The following DPF3 variants were observed in gnomAD, a reference collection of about 807,000 sequenced individuals.
DPF3 encodes double PHD fingers 3.
Under a neutral mutation model 56.8 loss-of-function variants are expected in DPF3, and 18 were observed. That is an observed-to-expected ratio of 0.32 (90% CI 0.22 to 0.47). DPF3 has a LOEUF of 0.47. DPF3 is among the 20% of genes least tolerant of loss of function. The pLI, the probability that DPF3 is intolerant of heterozygous loss-of-function variation, is 1.00. For synonymous variants in DPF3, 188 were observed against 180.2 expected, an observed-to-expected ratio of 1.04 and a Z score of -0.35; for missense variants, 403 against 488.8, an observed-to-expected ratio of 0.82 and a Z score of 1.65.
At chr14:72,702,241 G>A (rs762508736) in intron 6 of DPF3, among the ~76,000 whole-genome samples, 10 of 152,060 alleles carry the variant, frequency 6.6e-5, no homozygotes, top group Non-Finnish European at 1.2e-4. Context: ...CTTGCTCTCG[G>A]CAAGAAGGAG....
chr14:72,758,046 C>T (rs539733064), intron 2 of DPF3, among the ~76,000 whole-genome samples: 7 of 151,584 alleles, frequency 4.6e-5, no homozygotes, highest in Non-Finnish European at 7.4e-5. Context: ...ATTGCCTATA[C>T]GAAAAAGAAA....
chr14:72,682,498 T>G, intron 7 of DPF3, among the ~76,000 whole-genome samples: 1 of 152,166 alleles, frequency 6.6e-6, no homozygotes, highest in East Asian at 1.9e-4. Context: ...CTGGATGAGT[T>G]TTGTCTGTTT....
Position 72,611,262 on chromosome 14 carries a change from G to T in DPF3, c.*8035C>A, listed in dbSNP as rs971926810. Reference sequence around the variant, plus strand: ...CAAAGCTGAAATCTGGCTGTGACACGTGTGGAGAAAAGGAAAGATGAAACA... The same window carrying T: ...CAAAGCTGAAATCTGGCTGTGACACTTGTGGAGAAAAGGAAAGATGAAACA... On this transcript the variant is annotated 3_prime_UTR_variant, in exon 11 of 11. Transcript: ENST00000556509. Among the ~76,000 whole-genome samples, 1 of 152,226 alleles carries T rather than the reference G, an allele frequency of 6.6e-6. No homozygotes were observed. The highest frequency in any genetic ancestry group is 1.9e-4 in the East Asian group (1 of 5,198).
chr14:72,797,388 T>C (rs1892687937), intron 1 of DPF3, among the ~76,000 whole-genome samples: 1 of 152,252 alleles, frequency 6.6e-6, no homozygotes, highest in Non-Finnish European at 1.5e-5. Flanking sequence ...TTAAGCTTTA[T>C]GGTGTTTTGG....
intron 5 of DPF3, 140 bp from the exon 6 acceptor site, chr14:72,714,641 T>C (rs992631984): frequency 4.5e-5 from 40 of 894,244 alleles, no homozygotes; most frequent in Non-Finnish European, 5.9e-5. Context: ...GGGAGGAAAC[T>C]GAGGCCCAGA....
At chr14:72,666,752 C>T (rs1270452740) in intron 8 of DPF3, among the ~76,000 whole-genome samples, 2 of 152,206 alleles carry the variant, frequency 1.3e-5, no homozygotes, top group African/African-American at 4.8e-5. Flanking sequence ...AACTTGTCAT[C>T]TCCACTCTAG....
chr14:72,801,659 G>T (rs1455558190), intron 1 of DPF3, among the ~76,000 whole-genome samples: 2 of 152,162 alleles, frequency 1.3e-5, no homozygotes, highest in Non-Finnish European at 2.9e-5. Flanking sequence ...ACTGTAGCCA[G>T]GTGGGTTCAG....
Position 72,862,767 on chromosome 14 carries a change from A to G in DPF3, c.32+31290T>C, listed in dbSNP as rs533023950. Among the ~76,000 whole-genome samples the G allele has an allele frequency of 2.0e-5, 3 of 151,920 alleles. No homozygotes were observed. In the East Asian group the frequency reaches 5.8e-4, roughly 29 times the overall value. Reference sequence around the variant, plus strand: ...TGCTTCTCAGGGAGCTTTTCCCCCAACACTCCTGGTCCCAACTCCCCATTT... The same window carrying G: ...TGCTTCTCAGGGAGCTTTTCCCCCAGCACTCCTGGTCCCAACTCCCCATTT... On this transcript the variant is annotated intron_variant, in intron 1 of 10. Transcript: ENST00000556509.
intron 1 of DPF3, among the ~76,000 whole-genome samples, chr14:72,777,791 T>C (rs1156256557): frequency 1.3e-5 from 2 of 152,172 alleles, no homozygotes; most frequent in Non-Finnish European, 2.9e-5. Flanking sequence ...CCCCTTTGCC[T>C]TCTGCCATGA....
chr14:72,702,119 T>C (rs1888191282), intron 6 of DPF3, among the ~76,000 whole-genome samples: 1 of 152,128 alleles, frequency 6.6e-6, no homozygotes, highest in Non-Finnish European at 1.5e-5. Flanking sequence ...TGTCTGCCCT[T>C]GAAGCACGTG....
intron 9 of DPF3, among the ~76,000 whole-genome samples, chr14:72,624,211 T>C (rs1257342154): frequency 6.6e-6 from 1 of 152,150 alleles, no homozygotes; most frequent in Non-Finnish European, 1.5e-5. Context: ...CACTGTGCCC[T>C]AATATTAACA....
chr14:72,811,956 G>A (rs1208742186), intron 1 of DPF3, among the ~76,000 whole-genome samples: 1 of 151,970 alleles, frequency 6.6e-6, no homozygotes, highest in Non-Finnish European at 1.5e-5. Flanking sequence ...AGACAACATT[G>A]GTGTGGCTGT....
intron 1 of DPF3, 77 bp downstream of exon 1, chr14:72,893,980 G>A: frequency 6.3e-7 from 1 of 1,577,520 alleles, no homozygotes; most frequent in East Asian, 2.3e-5. Context: ...TGCTCTGGCA[G>A]CGCTCGCCAC....
At chr14:72,679,593 G>C (rs951766660) in intron 7 of DPF3, among the ~76,000 whole-genome samples, 6 of 152,200 alleles carry the variant, frequency 3.9e-5, no homozygotes. Context: ...CGCCCCTCTC[G>C]TTTGTTCCCC....
intron 1 of DPF3, among the ~76,000 whole-genome samples, chr14:72,881,572 G>T (rs983018617): frequency 1.3e-5 from 2 of 152,152 alleles, no homozygotes; most frequent in African/African-American, 4.8e-5. Context: ...ATATCAGTCT[G>T]GAGGTGATTC....
intron 1 of DPF3, among the ~76,000 whole-genome samples, chr14:72,810,612 A>AAAC (rs61420990): frequency 2.0e-5 from 3 of 152,002 alleles, no homozygotes; most frequent in African/African-American, 7.2e-5. Context: ...AGGGAAAAGA[A>AAAC]TAACTCTAAG....
intron 1 of DPF3, among the ~76,000 whole-genome samples, chr14:72,859,897 A>T (rs1316438185): frequency 6.6e-6 from 1 of 151,854 alleles, no homozygotes; most frequent in Non-Finnish European, 1.5e-5. Flanking sequence ...AACCTGAAAG[A>T]CATGATCTAG....
Position 72,672,059 on chromosome 14 carries a change from A to ACACACG in DPF3, c.871+2180_871+2181insCGTGTG, listed in dbSNP as rs1555494742. Among the ~76,000 whole-genome samples the ACACACG allele has an allele frequency of 3.1e-4, 20 of 63,708 alleles. 1 individual carries two copies. Among genetic ancestry groups the ACACACG allele is most frequent in the African/African-American group, 8.5e-4 (18 of 21,224 alleles). The allele number at this position is 63,708 out of a possible 152,430, so 41.8% of individuals were successfully genotyped here. A position where few individuals can be genotyped will look rare whatever the true frequency, so the allele number is the denominator to read the frequency against. ...CACACACACACACACACACACACAC[A>ACACACG]GACACACACACACACACACACACAC... On this transcript the variant is annotated intron_variant, in intron 8 of 10. Coordinates refer to ENST00000556509, the MANE Select transcript of DPF3 (RefSeq NM_001280542.3).
intron 8 of DPF3, among the ~76,000 whole-genome samples, chr14:72,631,463 G>C (rs532888597): frequency 6.6e-6 from 1 of 152,292 alleles, no homozygotes; most frequent in South Asian, 2.1e-4. Flanking sequence ...ATGGGTACAG[G>C]GTAGGAAATA....
Sources: allele counts gnomAD v4.1 joint callset (sites outside exome capture counted in the v4.1 genomes callset), GRCh38; gene constraint gnomAD v4.1.1; transcripts MANE v1.5; gene names NCBI Gene and HGNC (gene_info 2026-07-23, HGNC 2026-07-21).